HDAC9: variants seen among roughly 807,000 people sequenced by gnomAD.
HDAC9 encodes MEF-2 interacting transcription repressor (MITR) protein.
A neutral mutation model predicts 139.4 loss-of-function variants in HDAC9; 41 were observed. The ratio of observed to expected loss-of-function variants is 0.29; its 90% CI spans 0.23 to 0.38. The LOEUF (loss-of-function observed/expected upper bound fraction) is 0.38, where lower values mean the gene tolerates loss of function less well. Among genes scored for constraint, HDAC9 ranks in the 10% least tolerant of loss-of-function variants. HDAC9 has a pLI of 1.00. For synonymous variants in HDAC9, 517 were observed against 476.2 expected (o/e 1.09, Z -1.12); for missense variants, 1,147 against 1,297.0 (o/e 0.88, Z 1.78).
At position 18,531,712 on chromosome 7, in the gene HDAC9, T is replaced by C. The variant is rs529861091; in HGVS notation, c.22+35388T>C. ...CTTTTACCCCCTAACTCTTTAACTA[T>C]ACAATGTAGTTCGGCCTCTAATGTG... On this transcript the variant is annotated intron_variant, in intron 2 of 25. Coordinates refer to ENST00000686413, the MANE Select transcript of HDAC9 (RefSeq NM_178425.4). Among the ~76,000 whole-genome samples, 3 of 152,188 alleles carry C rather than the reference T, an allele frequency of 2.0e-5. No homozygotes were observed. The South Asian group carries it at 6.2e-4, about 32-fold the overall frequency.
At chr7:18,495,334 C>G (rs1448176357), upstream of HDAC9, among the ~76,000 whole-genome samples, 1 of 152,098 alleles carries the variant, frequency 6.6e-6, no homozygotes, top group East Asian at 1.9e-4. Context: ...TCTCTCCTCT[C>G]TCTTCCAAAA....
intron 2 of HDAC9, among the ~76,000 whole-genome samples, chr7:18,576,677 G>A (rs1255767935): frequency 6.7e-6 from 1 of 148,760 alleles, no homozygotes; most frequent in Admixed American, 6.7e-5. Flanking sequence ...AAAAAAATCA[G>A]GAGTAGGAAA....
intron 6 of HDAC9, among the ~76,000 whole-genome samples, chr7:18,605,956 A>G (rs1292087310): frequency 6.6e-6 from 1 of 152,226 alleles, no homozygotes. Context: ...CTGGGATTAC[A>G]GGTGTGAGCC....
intron 2 of HDAC9, among the ~76,000 whole-genome samples, chr7:18,180,263 A>ACACACACCCCCCCCC (rs1554322968): frequency 1.3e-5 from 2 of 149,542 alleles, no homozygotes; most frequent in African/African-American, 4.9e-5. Flanking sequence ...ACACACACAC[A>ACACACACCCCCCCCC]CACACACACA....
At chr7:18,694,232 T>C (rs1025642641) in intron 12 of HDAC9, among the ~76,000 whole-genome samples, 7 of 152,046 alleles carry the variant, frequency 4.6e-5, no homozygotes, top group African/African-American at 1.7e-4. Flanking sequence ...AGAAACTCCA[T>C]AGTTTTTGTA....
At chr7:18,606,237 T>G (rs765096461) in intron 6 of HDAC9, among the ~76,000 whole-genome samples, 4 of 152,190 alleles carry the variant, frequency 2.6e-5, no homozygotes, top group Non-Finnish European at 4.4e-5. Flanking sequence ...TTGTTCAGCT[T>G]TTTACTTGTG....
upstream of HDAC9, among the ~76,000 whole-genome samples, chr7:18,494,062 A>G (rs765580550): frequency 9.2e-5 from 14 of 152,070 alleles, no homozygotes; most frequent in Non-Finnish European, 1.6e-4. Context: ...AAATTTTGTA[A>G]TCAAAAGTTT....
chr7:18,203,264 C>G (rs1253725492), intron 2 of HDAC9, among the ~76,000 whole-genome samples: 2 of 152,156 alleles, frequency 1.3e-5, no homozygotes, highest in African/African-American at 4.8e-5. Context: ...CTTTGATGGT[C>G]TACGTGAAAT....
chr7:18,410,145 G>A (rs184384694), intron 1 of HDAC9, among the ~76,000 whole-genome samples: 37 of 152,150 alleles, frequency 2.4e-4, no homozygotes, highest in Admixed American at 2.3e-3. Flanking sequence ...GTAGTTTGAA[G>A]GTACTTCATC....
intron 2 of HDAC9, among the ~76,000 whole-genome samples, chr7:18,234,636 A>T (rs187905895): frequency 1.9e-4 from 29 of 152,340 alleles, no homozygotes; most frequent in African/African-American, 5.5e-4. Context: ...TGAGAAACCA[A>T]GTCTGTGTAC....
At chr7:18,393,245 A>C (rs956095942) in intron 1 of HDAC9, among the ~76,000 whole-genome samples, 3 of 152,172 alleles carry the variant, frequency 2.0e-5, no homozygotes, top group African/African-American at 7.2e-5. Flanking sequence ...AGTAAAGTTT[A>C]TAAGAAGTAT....
chr7:18,624,576 C>G (rs1451040636), intron 6 of HDAC9, among the ~76,000 whole-genome samples: 1 of 151,994 alleles, frequency 6.6e-6, no homozygotes, highest in African/African-American at 2.4e-5. Flanking sequence ...CATTCATATA[C>G]AAGCAGAACC....
chr7:18,458,706 GATTAATA>G (rs761331476), intron 1 of HDAC9: 108 of 537,528 alleles, frequency 2.0e-4, no homozygotes, highest in Non-Finnish European at 3.3e-4. Flanking sequence ...GCAAAACTTC[GATTAATA>G]AATGATAAGC....
intron 17 of HDAC9, among the ~76,000 whole-genome samples, chr7:18,803,805 A>G (rs960937624): frequency 6.6e-6 from 1 of 152,192 alleles, no homozygotes; most frequent in Non-Finnish European, 1.5e-5. Flanking sequence ...TAGGAAAATC[A>G]AAATTTAATG....
chr7:18,906,759 C>A (rs1802296772), intron 22 of HDAC9, among the ~76,000 whole-genome samples: 1 of 152,184 alleles, frequency 6.6e-6, no homozygotes, highest in African/African-American at 2.4e-5. Context: ...ATGCAGATTC[C>A]TTGTCTTAAC....
chr7:18,649,235 G>A (rs189161469), intron 11 of HDAC9, among the ~76,000 whole-genome samples: 1 of 152,266 alleles, frequency 6.6e-6, no homozygotes, highest in East Asian at 1.9e-4. Context: ...GCGGATGTCT[G>A]TACCGTACCA....
At chr7:18,327,118 A>G (rs1800507871) in intron 1 of HDAC9, among the ~76,000 whole-genome samples, 1 of 151,820 alleles carries the variant, frequency 6.6e-6, no homozygotes, top group Non-Finnish European at 1.5e-5. Flanking sequence ...CTGGTTTTAC[A>G]TTTGACTTAT....
chr7:18,689,724 G>A (rs1584848643), intron 12 of HDAC9, among the ~76,000 whole-genome samples: 1 of 151,916 alleles, frequency 6.6e-6, no homozygotes. Flanking sequence ...AGGATCACTA[G>A]CAGCCTAGTT....
intron 1 of HDAC9, among the ~76,000 whole-genome samples, chr7:18,099,884 CAG>C (rs2128069410): frequency 6.6e-6 from 1 of 152,210 alleles, no homozygotes; most frequent in Non-Finnish European, 1.5e-5. Flanking sequence ...TTATGTAAAA[CAG>C]AAATCTTTTG....
Sources: allele counts gnomAD v4.1 joint callset (sites outside exome capture counted in the v4.1 genomes callset), GRCh38; gene constraint gnomAD v4.1.1; transcripts MANE v1.5; gene names NCBI Gene and HGNC (gene_info 2026-07-23, HGNC 2026-07-21).